HIBCH: variants seen among roughly 807,000 people sequenced by gnomAD.
The protein encoded by HIBCH is 3-hydroxyisobutyryl-CoA hydrolase, mitochondrial.
Under a neutral mutation model 58.2 loss-of-function variants are expected in HIBCH, and 50 were observed. The ratio of observed to expected loss-of-function variants is 0.86; its 90% CI spans 0.68 to 1.09. HIBCH has a LOEUF of 1.09. Among genes scored for constraint, HIBCH ranks in the 50% least tolerant of loss-of-function variants. The pLI is 0.00. For missense variants in HIBCH, 450 were observed against 449.7 expected (o/e 1.00, Z -0.01); for synonymous variants, 151 against 146.9 (o/e 1.03, Z -0.20).
chr2:190,192,452 C>CTGTGTGTGTGTGTGTGTGTGTGTGTG (rs147936734), intron 1 of HIBCH, among the ~76,000 whole-genome samples: 74 of 145,356 alleles, frequency 5.1e-4, no homozygotes, highest in African/African-American at 1.8e-3. Flanking sequence ...AATTCAGAAT[C>CTGTGTGTGTGTGTGTGTGTGTGTGTG]TGTGTGTGTG....
intron 2 of HIBCH, among the ~76,000 whole-genome samples, chr2:190,303,294 C>T (rs1428913581): frequency 6.6e-6 from 1 of 152,136 alleles, no homozygotes; most frequent in Non-Finnish European, 1.5e-5. Context: ...AAGAGCACTC[C>T]CAGAGTCTAG....
intron 6 of HIBCH, among the ~76,000 whole-genome samples, chr2:190,286,090 C>T (rs1687821395): frequency 6.6e-6 from 1 of 152,110 alleles, no homozygotes; most frequent in Admixed American, 6.5e-5. Context: ...GATTTACCCA[C>T]CTCAGCCTCC....
At chr2:190,228,291 T>C (rs527626279) in intron 11 of HIBCH, among the ~76,000 whole-genome samples, 5 of 151,284 alleles carry the variant, frequency 3.3e-5, no homozygotes, top group African/African-American at 1.2e-4. Flanking sequence ...CTCAGCAAAT[T>C]ATCGCAAGGA....
chr2:190,303,052 T>C (rs1439445346), intron 2 of HIBCH, among the ~76,000 whole-genome samples: 1 of 152,072 alleles, frequency 6.6e-6, no homozygotes, highest in East Asian at 1.9e-4. Flanking sequence ...GAGTTACAGA[T>C]AGAACAAGAA....
chr2:190,258,782 G>A lies in HIBCH; in HGVS notation c.517+2374C>T, dbSNP rs115966658. On this transcript the variant is annotated intron_variant, in intron 7 of 13. Transcript: ENST00000359678. ...ATGACTACATCTTTAATCCATTTGA[G>A]GTTTTTTTCTAAAATATAATATGAG... 6.7e-3 allele frequency among the ~76,000 whole-genome samples: 1,022 copies of A among 152,034 alleles called. 12 individuals are homozygous for A. Among genetic ancestry groups the A allele is most frequent in the African/African-American group, 0.022 (927 of 41,474 alleles).
intron 1 of HIBCH, among the ~76,000 whole-genome samples, chr2:190,190,219 A>G (rs1183906259): frequency 6.6e-6 from 1 of 152,212 alleles, no homozygotes; most frequent in African/African-American, 2.4e-5. Context: ...GGCCTCTTCC[A>G]AACAGTCCTT....
Position 190,204,828 on chromosome 2 carries a change from TTAGGCTTTG to T in HIBCH, c.*280_*288del, listed in dbSNP as rs778803254. Reference sequence around the variant, plus strand: ...CTGACAAAAACCAGACAGTAAATAATTAGGCTTTGTAGGCTTTACCATCTCTATTGCAAC... The same window carrying T: ...CTGACAAAAACCAGACAGTAAATAATTAGGCTTTACCATCTCTATTGCAAC... On this transcript the variant is annotated 3_prime_UTR_variant, in exon 14 of 14. Coordinates refer to ENST00000359678, the MANE Select transcript of HIBCH (RefSeq NM_014362.4). 4 of 303,876 alleles carry T rather than the reference TTAGGCTTTG, an allele frequency of 1.3e-5. No individual in the cohort carries two copies. Among genetic ancestry groups the T allele is most frequent in the Non-Finnish European group, 2.5e-5 (4 of 162,118 alleles). The allele number at this position is 303,876 out of a possible 1,614,324, so 18.8% of individuals were successfully genotyped here. A position where few individuals can be genotyped will look rare whatever the true frequency, so the allele number is the denominator to read the frequency against.
chr2:190,196,662 TG>T (rs1689992832), intron 1 of HIBCH, among the ~76,000 whole-genome samples: 1 of 152,188 alleles, frequency 6.6e-6, no homozygotes, highest in Admixed American at 6.5e-5. Context: ...TAAATGGTAT[TG>T]TTTTATTTCT....
At chr2:190,235,736 G>A (rs1442773641) in intron 11 of HIBCH, among the ~76,000 whole-genome samples, 1 of 152,078 alleles carries the variant, frequency 6.6e-6, no homozygotes, top group Non-Finnish European at 1.5e-5. Flanking sequence ...TTTGGCACCT[G>A]GCAACTCACA....
intron 6 of HIBCH, among the ~76,000 whole-genome samples, chr2:190,280,597 G>A (rs1687680273): frequency 6.6e-6 from 1 of 151,712 alleles, no homozygotes; most frequent in African/African-American, 2.4e-5. Flanking sequence ...GAGTTTAACT[G>A]GTATATAACC....
chr2:190,195,894 G>C (rs1251254864), intron 1 of HIBCH, among the ~76,000 whole-genome samples: 4 of 143,404 alleles, frequency 2.8e-5, no homozygotes, highest in Non-Finnish European at 6.1e-5. Context: ...TTAGGTCTAT[G>C]ATCCATTTCA....
intron 11 of HIBCH, among the ~76,000 whole-genome samples, chr2:190,232,385 T>C (rs989699828): frequency 1.7e-4 from 26 of 152,166 alleles, no homozygotes; most frequent in African/African-American, 6.3e-4. Context: ...CAGTCTGGAA[T>C]TGAGGTATGT....
At chr2:190,313,538 A>C (rs1688612292) in intron 1 of HIBCH, among the ~76,000 whole-genome samples, 1 of 151,660 alleles carries the variant, frequency 6.6e-6, no homozygotes, top group Admixed American at 6.6e-5. Flanking sequence ...ACTTTTCTTC[A>C]CAACACCACT....
chr2:190,198,719 A>ACAAT (rs10675848), intron 1 of HIBCH, among the ~76,000 whole-genome samples: 46,896 of 151,082 alleles, frequency 0.31, 7,863 homozygotes, highest in East Asian at 0.48. Context: ...AAACTAAGAT[A>ACAAT]CAATCAGGGA....
chr2:190,273,392 C>CA (rs1455385535), intron 6 of HIBCH, among the ~76,000 whole-genome samples: 2 of 151,984 alleles, frequency 1.3e-5, no homozygotes, highest in African/African-American at 4.8e-5. Context: ...GACTCCATCT[C>CA]AAAAATAAAT....
In HIBCH at chr2:190,261,224, A is replaced by AGACC. The variant is rs1687080836; in HGVS notation, c.445_448dup (p.Leu150ArgfsTer29). On this transcript the variant is annotated frameshift_variant, in exon 7 of 14. Coordinates refer to ENST00000359678, the MANE Select transcript of HIBCH (RefSeq NM_014362.4). LOFTEE classifies it high-confidence loss of function. ...CACTCGAAATTGCCCATGGACTGAG[A>AGACC]GACCAACTCCCTAGAGAAAAAAGGC... 6.2e-7 allele frequency: 1 copy of AGACC among 1,613,012 alleles called. No individual in the cohort carries two copies. Among genetic ancestry groups the AGACC allele is most frequent in the East Asian group, 2.2e-5 (1 of 44,854 alleles).
intron 6 of HIBCH, among the ~76,000 whole-genome samples, chr2:190,273,645 T>G (rs1559046698): frequency 1.3e-5 from 2 of 152,154 alleles, no homozygotes; most frequent in Non-Finnish European, 2.9e-5. Context: ...TCTCAGCTCC[T>G]GCTGTGTTAC....
intron 1 of HIBCH, among the ~76,000 whole-genome samples, chr2:190,194,477 T>TACACACACACACACACAC (rs3083429): frequency 2.8e-5 from 4 of 141,370 alleles, no homozygotes; most frequent in South Asian, 2.3e-4. Context: ...ATCCTGTGTA[T>TACACACACACACACACAC]ACACACACAC....
chr2:190,314,394 T>C (rs1369523396), intron 1 of HIBCH, among the ~76,000 whole-genome samples: 9 of 141,238 alleles, frequency 6.4e-5, no homozygotes, highest in Non-Finnish European at 1.2e-4. Context: ...TATATATGTA[T>C]ATATATACGT....
Sources: gnomAD v4.1 joint callset for allele counts (sites outside exome capture counted in the v4.1 genomes callset) on GRCh38, gnomAD v4.1.1 for gene constraint, MANE v1.5 for transcripts, NCBI Gene and HGNC (gene_info 2026-07-23, HGNC 2026-07-21) for gene names.